The following ARSJ variants were observed in gnomAD, a reference collection of about 807,000 sequenced individuals.
ARSJ encodes arylsulfatase family member J.
A neutral mutation model predicts 35.9 loss-of-function variants in ARSJ; 26 were observed. The ratio of observed to expected loss-of-function variants is 0.72; its 90% confidence interval spans 0.53 to 1.00. The LOEUF is 1.00. Among genes scored for constraint, ARSJ ranks in the 50% least tolerant of loss-of-function variants. ARSJ has a pLI of 0.00. For missense variants in ARSJ, 667 were observed against 723.6 expected (o/e 0.92, Z 0.90); for synonymous variants, 294 against 267.6 (o/e 1.10, Z -0.96).
At chr4:113,938,516 A>G (rs1416122471) in intron 1 of ARSJ, among the ~76,000 whole-genome samples, 1 of 152,126 alleles carries the variant, frequency 6.6e-6, no homozygotes, top group Non-Finnish European at 1.5e-5. Context: ...AAACAATTGC[A>G]ACAAAAGCAA....
chr4:113,978,320 CTTCA>C (rs1727715910), intron 1 of ARSJ, 113 bp downstream of exon 1: 1 of 953,810 alleles, frequency 1.0e-6, no homozygotes, highest in Non-Finnish European at 1.6e-6. Context: ...TTCATTCATT[CTTCA>C]TTCATTCAGT....
At chr4:113,936,403 A>C (rs2149266868) in intron 1 of ARSJ, among the ~76,000 whole-genome samples, 1 of 152,060 alleles carries the variant, frequency 6.6e-6, no homozygotes, top group East Asian at 1.9e-4. Flanking sequence ...GATTTTGTTT[A>C]TAATTCATAT....
rs534320552 is a variant in ARSJ, at chr4:113,918,800, A to G, written c.399-15125T>C. 1.1e-3 allele frequency among the ~76,000 whole-genome samples: 165 copies of G among 152,108 alleles called. 1 individual carries two copies. Among genetic ancestry groups the G allele is most frequent in the Admixed American group, 2.3e-3 (35 of 15,264 alleles). ...GTAGTAAGATGAAAAAATTATTATT[A>G]TTATTATTTTGAGACAGGGTCTCAT... On this transcript the variant is annotated intron_variant, in intron 1 of 1. Transcript: ENST00000315366.
At chr4:113,955,728 G>C (rs1242410952) in intron 1 of ARSJ, among the ~76,000 whole-genome samples, 2 of 152,030 alleles carry the variant, frequency 1.3e-5, no homozygotes, top group African/African-American at 4.8e-5. Context: ...AAGTGATCTA[G>C]TTAAGAGCAC....
chr4:113,904,586 G>A (rs1594376564), intron 1 of ARSJ, among the ~76,000 whole-genome samples: 1 of 152,284 alleles, frequency 6.6e-6, no homozygotes, highest in Non-Finnish European at 1.5e-5. Context: ...CCGGGTTCAC[G>A]CCATTCTCCT....
At chr4:113,973,265 C>T (rs550575253) in intron 1 of ARSJ, among the ~76,000 whole-genome samples, 107 of 152,276 alleles carry the variant, frequency 7.0e-4, no homozygotes, top group African/African-American at 2.3e-3. Flanking sequence ...TTTTGATCCC[C>T]TGCATATACT....
intron 1 of ARSJ, among the ~76,000 whole-genome samples, chr4:113,930,993 G>A (rs1724407302): frequency 6.6e-6 from 1 of 151,612 alleles, no homozygotes; most frequent in African/African-American, 2.4e-5. Flanking sequence ...CATGGACACA[G>A]GAAGGGGAAT....
intron 1 of ARSJ, among the ~76,000 whole-genome samples, chr4:113,973,513 CAGGGTGGGAGAAAAACAA>C (rs1240660140): frequency 6.6e-6 from 1 of 152,110 alleles, no homozygotes; most frequent in Non-Finnish European, 1.5e-5. Context: ...AAGCACCAAG[CAGGGTGGGAGAAAAACAA>C]ACAAAAAATG....
chr4:113,974,461 C>G (rs1727470578), intron 1 of ARSJ, among the ~76,000 whole-genome samples: 1 of 151,898 alleles, frequency 6.6e-6, no homozygotes, highest in Admixed American at 6.6e-5. Flanking sequence ...TATATAACTA[C>G]CACAAATTAA....
At chr4:113,944,556 C>T (rs1036215165) in intron 1 of ARSJ, among the ~76,000 whole-genome samples, 1 of 151,882 alleles carries the variant, frequency 6.6e-6, no homozygotes, top group Admixed American at 6.6e-5. Flanking sequence ...GATCTAGAAA[C>T]GGGCAAAAGA....
intron 1 of ARSJ, among the ~76,000 whole-genome samples, chr4:113,920,769 C>G (rs986491954): frequency 1.3e-5 from 2 of 152,140 alleles, no homozygotes; most frequent in African/African-American, 4.8e-5. Flanking sequence ...ATGAGAAAGT[C>G]AGTTTGGCAA....
At chr4:113,944,702 A>T (rs1725364757) in intron 1 of ARSJ, among the ~76,000 whole-genome samples, 1 of 152,002 alleles carries the variant, frequency 6.6e-6, no homozygotes, top group Admixed American at 6.6e-5. Context: ...GTAGAAGTTA[A>T]GTGGTAGAAG....
At chr4:113,931,476 G>A (rs1007709875) in intron 1 of ARSJ, among the ~76,000 whole-genome samples, 1 of 151,982 alleles carries the variant, frequency 6.6e-6, no homozygotes, top group African/African-American at 2.4e-5. Context: ...ATAGAGTAAC[G>A]CCACCCTTAA....
intron 1 of ARSJ, among the ~76,000 whole-genome samples, chr4:113,962,515 A>G (rs1726616943): frequency 6.6e-6 from 1 of 150,434 alleles, no homozygotes; most frequent in Admixed American, 6.6e-5. Context: ...AGTTGAATGA[A>G]TAAACTTGAA....
rs1305787959 is a variant in ARSJ, at chr4:113,960,889, G to C, written c.398+17548C>G. Among the ~76,000 whole-genome samples the C allele has an allele frequency of 2.0e-5, 3 of 152,208 alleles. No individual in the cohort carries two copies. In the East Asian group the frequency reaches 5.8e-4, roughly 29 times the overall value. ...GGGGTTGAGGCTGGAACCTGCACTA[G>C]CAGATCTACTTTCTTTTGTTTTATA... On this transcript the variant is annotated intron_variant, in intron 1 of 1. Coordinates refer to ENST00000315366, the MANE Select transcript of ARSJ (RefSeq NM_024590.4).
Position 113,902,719 on chromosome 4 carries a change from T to C in ARSJ, c.1355A>G (p.Gln452Arg). 1.2e-6 allele frequency: 2 copies of C among 1,614,234 alleles called. No homozygotes were observed. The highest frequency in any genetic ancestry group is 1.7e-5 in the Admixed American group (1 of 60,032). ...ATTTCCTGTAAGCAATTTCCAGTGC[T>C]GCACTCTGATGGCTGACTGGATTGC... is the stretch of plus-strand genomic sequence containing the variant. ...NTAIQSAIRV[Q>R]HWKLLTGNPG... The change falls in exon 2 of 2, where the codon CAG becomes CGG. Residue 452 changes from glutamine to arginine, a missense_variant. Coordinates refer to ENST00000315366, the MANE Select transcript of ARSJ (RefSeq NM_024590.4).
At chr4:113,960,983 A>G (rs1212970881) in intron 1 of ARSJ, among the ~76,000 whole-genome samples, 2 of 152,136 alleles carry the variant, frequency 1.3e-5, no homozygotes, top group African/African-American at 4.8e-5. Context: ...GAGTTTGAAA[A>G]ATTATAGAAT....
rs1006565850 is a variant in ARSJ at position 113,930,342 on chromosome 4, C to G, written c.399-26667G>C. On this transcript the variant is annotated intron_variant, in intron 1 of 1. Transcript: ENST00000315366. ...GAACAATGTAGGCTTGGAGGCTAGG[C>G]CAGTCTCACCTTTTCACGTTTTTCT... is the stretch of plus-strand genomic sequence containing the variant. Among the ~76,000 whole-genome samples, 9 of 152,028 alleles carry G rather than the reference C, an allele frequency of 5.9e-5. 1 individual carries two copies. Among genetic ancestry groups the G allele is most frequent in the Non-Finnish European group, 1.3e-4 (9 of 67,974 alleles).
At chr4:113,963,526 C>T (rs1413933531) in intron 1 of ARSJ, among the ~76,000 whole-genome samples, 1 of 152,028 alleles carries the variant, frequency 6.6e-6, no homozygotes, top group African/African-American at 2.4e-5. Context: ...GGGGTAACGC[C>T]ACCATGATTC....
Sources: gnomAD v4.1 joint callset for allele counts (sites outside exome capture counted in the v4.1 genomes callset) on GRCh38, gnomAD v4.1.1 for gene constraint, MANE v1.5 for transcripts, NCBI Gene and HGNC (gene_info 2026-07-23, HGNC 2026-07-21) for gene names.